The following INPP4B variants were observed in gnomAD, a reference collection of about 807,000 sequenced individuals.
The protein encoded by INPP4B is inositol polyphosphate 4-phosphatase type II.
In INPP4B, 55 loss-of-function variants were observed where a neutral mutation model predicts 122.5. The ratio of observed to expected loss-of-function variants is 0.45; its 90% CI spans 0.36 to 0.56. The LOEUF is 0.56. Among genes scored for constraint, INPP4B ranks in the 20% least tolerant of loss-of-function variants. INPP4B has a pLI of 0.00. For synonymous variants in INPP4B, 403 were observed against 388.7 expected, an observed-to-expected ratio of 1.04 and a Z score of -0.43; for missense variants, 1,000 against 1,097.7, an observed-to-expected ratio of 0.91 and a Z score of 1.26.
intron 5 of INPP4B, 60 bp downstream of exon 5, chr4:142,429,113 T>G (rs967009073): frequency 1.3e-5 from 12 of 920,712 alleles, no homozygotes; most frequent in Non-Finnish European, 1.9e-5. Flanking sequence ...CTACCTATAC[T>G]TTGCAAACTA....
chr4:142,184,112 A>AT (rs1377631313), intron 15 of INPP4B, among the ~76,000 whole-genome samples: 1 of 152,154 alleles, frequency 6.6e-6, no homozygotes, highest in Non-Finnish European at 1.5e-5. Context: ...TAAATATTCA[A>AT]TTTTTTAAAA....
At chr4:142,549,076 T>G (rs10004909) in intron 2 of INPP4B, among the ~76,000 whole-genome samples, 1 of 152,072 alleles carries the variant, frequency 6.6e-6, no homozygotes, top group Non-Finnish European at 1.5e-5. Flanking sequence ...AGAAGAGTGA[T>G]GTGATTTAAT....
At chr4:142,193,445 G>C (rs2636664) in intron 14 of INPP4B, among the ~76,000 whole-genome samples, 133,257 of 152,144 alleles carry the variant, frequency 0.88, 59,168 homozygotes, top group East Asian at 0.96. Flanking sequence ...ACATGCTACA[G>C]TGTAGAACAG....
intron 11 of INPP4B, among the ~76,000 whole-genome samples, chr4:142,260,029 A>C (rs1264896789): frequency 6.6e-6 from 1 of 152,176 alleles, no homozygotes; most frequent in African/African-American, 2.4e-5. Context: ...TCTGTCTCCA[A>C]GCTGGAGTGC....
chr4:142,286,706 C>A (rs1269606887), intron 9 of INPP4B, among the ~76,000 whole-genome samples: 1 of 152,070 alleles, frequency 6.6e-6, no homozygotes, highest in Non-Finnish European at 1.5e-5. Context: ...GGGCTTATGG[C>A]CACCTTACAA....
intron 1 of INPP4B, among the ~76,000 whole-genome samples, chr4:142,804,583 T>C (rs1175473446): frequency 2.6e-5 from 4 of 152,138 alleles, no homozygotes; most frequent in Non-Finnish European, 5.9e-5. Context: ...CCTTTCTCCT[T>C]GTATGTTTGC....
intron 7 of INPP4B, among the ~76,000 whole-genome samples, chr4:142,401,853 ATT>A (rs1801708977): frequency 6.6e-6 from 1 of 152,172 alleles, no homozygotes; most frequent in African/African-American, 2.4e-5. Context: ...TATGCTGTGC[ATT>A]TACTTGAGTC....
At chr4:142,749,706 T>C (rs2150945001) in intron 1 of INPP4B, among the ~76,000 whole-genome samples, 1 of 152,114 alleles carries the variant, frequency 6.6e-6, no homozygotes, top group Non-Finnish European at 1.5e-5. Flanking sequence ...ACAATTCTTT[T>C]GGAAGAATAA....
intron 2 of INPP4B, among the ~76,000 whole-genome samples, chr4:142,608,991 C>G (rs1054857847): frequency 1.3e-5 from 2 of 152,058 alleles, no homozygotes; most frequent in African/African-American, 2.4e-5. Flanking sequence ...TTTCCCATCT[C>G]AAACTCTTAT....
intron 2 of INPP4B, among the ~76,000 whole-genome samples, chr4:142,504,495 G>T (rs1046483779): frequency 6.6e-6 from 1 of 152,082 alleles, no homozygotes; most frequent in Non-Finnish European, 1.5e-5. Flanking sequence ...ATGCCCTATA[G>T]AATAAAAGTC....
At chr4:142,080,052 C>A (rs1237048115) in intron 25 of INPP4B, among the ~76,000 whole-genome samples, 2 of 151,898 alleles carry the variant, frequency 1.3e-5, no homozygotes, top group African/African-American at 4.8e-5. Context: ...CATTTAATCC[C>A]CGAGACACTC....
At chr4:142,500,454 C>G (rs752718175) in intron 2 of INPP4B, among the ~76,000 whole-genome samples, 2 of 152,178 alleles carry the variant, frequency 1.3e-5, no homozygotes, top group African/African-American at 2.4e-5. Flanking sequence ...TCTCTTTTAG[C>G]TTCTTGCTAG....
intron 7 of INPP4B, among the ~76,000 whole-genome samples, chr4:142,323,585 A>G (rs1188513525): frequency 6.6e-6 from 1 of 151,522 alleles, no homozygotes; most frequent in African/African-American, 2.4e-5. Context: ...AGCTGGGACT[A>G]CAGGCACCCG....
chr4:142,265,299 T>C (rs752927294), intron 10 of INPP4B, among the ~76,000 whole-genome samples: 2 of 152,254 alleles, frequency 1.3e-5, no homozygotes, highest in Non-Finnish European at 2.9e-5. Flanking sequence ...ATGGTGCTAA[T>C]AGAAGTTTCA....
chr4:142,630,951 T>A (rs79762907), intron 2 of INPP4B, among the ~76,000 whole-genome samples: 3,810 of 152,208 alleles, frequency 0.025, 56 homozygotes, highest in Middle Eastern at 0.088. Flanking sequence ...ACTCCTGTAT[T>A]TCTAGTGTGA....
At chr4:142,660,248 G>A (rs1252164026) in intron 2 of INPP4B, among the ~76,000 whole-genome samples, 2 of 152,088 alleles carry the variant, frequency 1.3e-5, no homozygotes, top group Non-Finnish European at 2.9e-5. Context: ...AGGTCACCAG[G>A]ACTTGGGGAT....
intron 1 of INPP4B, among the ~76,000 whole-genome samples, chr4:142,735,995 T>G (rs1486170456): frequency 6.6e-6 from 1 of 151,468 alleles, no homozygotes; most frequent in African/African-American, 2.4e-5. Flanking sequence ...AATTGCATTT[T>G]AGGTATTTTA....
intron 2 of INPP4B, among the ~76,000 whole-genome samples, chr4:142,638,021 T>C (rs1250939323): frequency 2.6e-5 from 4 of 152,242 alleles, no homozygotes; most frequent in African/African-American, 7.2e-5. Flanking sequence ...TTTAGGTCTT[T>C]TGCCCATTTA....
intron 25 of INPP4B, among the ~76,000 whole-genome samples, chr4:142,035,354 G>T (rs1743183531): frequency 6.6e-6 from 1 of 152,196 alleles, no homozygotes; most frequent in Non-Finnish European, 1.5e-5. Context: ...AGTCCCAGAG[G>T]TGGGTTGGAT....
Sources: gnomAD v4.1 joint callset for allele counts (sites outside exome capture counted in the v4.1 genomes callset) on GRCh38, gnomAD v4.1.1 for gene constraint, MANE v1.5 for transcripts, NCBI Gene and HGNC (gene_info 2026-07-23, HGNC 2026-07-21) for gene names.